Variants in CHD2 observed in about 807,000 individuals in gnomAD.
CHD2 encodes the protein ATP-dependent chromatin remodeler CHD2.
A neutral mutation model predicts 243.9 loss-of-function variants in CHD2; 28 were observed. That is an observed-to-expected ratio of 0.11 (90% CI 0.09 to 0.16). The LOEUF (loss-of-function observed/expected upper bound fraction) is 0.16. Among genes scored for constraint, CHD2 ranks in the 10% least tolerant of loss-of-function variants. The pLI, the probability that CHD2 is intolerant of heterozygous loss-of-function variation, is 1.00. For synonymous variants in CHD2, 775 were observed against 779.0 expected (o/e 0.99, Z 0.09); for missense variants, 1,386 against 2,209.8 (o/e 0.63, Z 7.47).
chr15:92,923,469 A>G (rs1024723197), intron 2 of CHD2, among the ~76,000 whole-genome samples: 3 of 151,830 alleles, frequency 2.0e-5, no homozygotes, highest in Non-Finnish European at 4.4e-5. Context: ...CATATTGTCC[A>G]GGCTGGTCTT....
At chr15:92,993,059 T>G (rs532034196) in intron 28 of CHD2, 61 bp downstream of exon 28, 4 of 1,590,966 alleles carry the variant, frequency 2.5e-6, no homozygotes, top group South Asian at 1.1e-5. Context: ...GGATTTCTGT[T>G]GCTAAAGGGC....
chr15:93,010,300 T>G (rs1254823523), intron 35 of CHD2, among the ~76,000 whole-genome samples: 6 of 148,762 alleles, frequency 4.0e-5, no homozygotes, highest in Non-Finnish European at 9.1e-5. Context: ...TAAGTGCAAG[T>G]GCCTTTTTCA....
chr15:92,998,513 G>C lies in CHD2; in HGVS notation c.3900G>C (p.Glu1300Asp), dbSNP rs199684771. ...TCTTGTTGAAGATTCTGCCGGTGGA[G>C]ACAGATAAAAAGCCTCAGGGGAAGC... ...LKLTDKILPVETDKKPQGKQL... is the reference protein window; with the variant it reads ...LKLTDKILPVDTDKKPQGKQL... Residue 1300 changes from glutamate (E) to aspartate (D), a missense_variant, in exon 31 of 39, where the codon GAG becomes GAC. By Grantham distance (45) the Glu-to-Asp change is conservative. This residue lies in a region of CHD2 where 99 missense variants were observed against 176.9 expected (regional missense o/e 0.56). Transcript: ENST00000394196. The surrounding 1 kb of genome is among the most constrained non-coding windows in gnomAD (Gnocchi z 5.1). 4.3e-6 allele frequency: 7 copies of C among 1,613,996 alleles called. No individual in the cohort carries two copies. In the East Asian group the frequency reaches 1.6e-4, roughly 36 times the overall value.
chr15:92,997,883 C>T lies in CHD2; in HGVS notation c.3885+480C>T, dbSNP rs1295989649. 1 of 155,960 alleles carries T rather than the reference C, an allele frequency of 6.4e-6. No individual in the cohort carries two copies. Among genetic ancestry groups the T allele is most frequent in the Non-Finnish European group, 1.4e-5 (1 of 70,580 alleles). The allele number at this position is 155,960 out of a possible 1,614,324, so 9.7% of individuals were successfully genotyped here. Reference sequence around the variant, plus strand: ...CCCTATCTGTTGCAAGTAGCAAGGCCATGGTTGGAGCTATAAGCAGGGAAG... The same window carrying T: ...CCCTATCTGTTGCAAGTAGCAAGGCTATGGTTGGAGCTATAAGCAGGGAAG... On this transcript the variant is annotated intron_variant, in intron 30 of 38. Transcript: ENST00000394196. The surrounding 1 kb of genome is among the most constrained non-coding windows in gnomAD (Gnocchi z 4.1).
At chr15:92,932,366 A>G (rs1369866667) in intron 5 of CHD2, among the ~76,000 whole-genome samples, 3 of 150,302 alleles carry the variant, frequency 2.0e-5, no homozygotes, top group Admixed American at 6.6e-5. Flanking sequence ...ATATGTATAC[A>G]TGTGTCATGT....
chr15:92,967,644 G>A (rs2141830942), intron 17 of CHD2, 131 bp downstream of exon 17: 2 of 543,088 alleles, frequency 3.7e-6, no homozygotes, highest in South Asian at 4.5e-5. Flanking sequence ...TGCTGCCTCA[G>A]CCTACCGAGT....
Position 92,998,663 on chromosome 15 carries a change from C to T in CHD2, c.4008+42C>T. ...CTGGTTGTTTTTCAGGGGCCTGAGG[C>T]TCCTACCCTGCAGAATTAGGTAGGA... is the stretch of plus-strand genomic sequence containing the variant. On this transcript the variant is annotated intron_variant, in intron 31 of 38. Transcript: ENST00000394196. This position sits in a 1 kb window ranked among gnomAD's most constrained non-coding sequence, Gnocchi z 5.1. The T allele has an allele frequency of 6.2e-7, 1 of 1,600,810 alleles. No individual in the cohort carries two copies. The highest frequency in any genetic ancestry group is 1.7e-5 in the Admixed American group (1 of 59,328).
chr15:92,967,251 T>C, intron 16 of CHD2, 74 bp from the exon 17 acceptor site: 1 of 1,096,862 alleles, frequency 9.1e-7, no homozygotes. Flanking sequence ...GAAAGATTCA[T>C]TTTTTTACAG....
chr15:93,009,348 C>T, intron 35 of CHD2, 25 bp downstream of exon 35: 1 of 1,603,506 alleles, frequency 6.2e-7, no homozygotes, highest in Non-Finnish European at 8.5e-7. Context: ...CTCGTCTGCC[C>T]AGTTTGATTT....
chr15:93,015,523 C>T (rs1212233145), intron 37 of CHD2, among the ~76,000 whole-genome samples: 1 of 151,550 alleles, frequency 6.6e-6, no homozygotes, highest in Non-Finnish European at 1.5e-5. Flanking sequence ...AAATTGAGAA[C>T]AAAACAATAA....
chr15:92,909,932 G>C (rs2052697015), intron 2 of CHD2, among the ~76,000 whole-genome samples: 1 of 148,256 alleles, frequency 6.7e-6, no homozygotes, highest in Non-Finnish European at 1.5e-5. Context: ...CTGTTTTAAG[G>C]GTTTTACGTG....
rs554562927 is a variant in CHD2 at position 93,024,410 on chromosome 15, T to G, written c.5192T>G (p.Phe1731Cys). The G allele has an allele frequency of 4.6e-5, 74 of 1,614,114 alleles. No individual in the cohort carries two copies. In the South Asian group the frequency reaches 7.9e-4, roughly 17 times the overall value. ...TCCAAGCGGAGGAGATCCGATGAATTTAGGCCTCAAAATTACCACCAGCAG... is the reference window on the plus strand; with the variant it reads ...TCCAAGCGGAGGAGATCCGATGAATGTAGGCCTCAAAATTACCACCAGCAG... The part of the protein sequence containing the change: ...HDSKRRRSDE[F>C]RPQNYHQQDF... The change falls in exon 39 of 39, where the codon TTT (phenylalanine) becomes TGT (cysteine). Residue 1731 changes from phenylalanine (F) to cysteine (C), a missense_variant. Around this residue, in one of 19 missense-constraint regions of CHD2, gnomAD observed 347 missense variants for 341.6 expected, o/e 1.02. Transcript: ENST00000394196.
chr15:92,910,914 G>A (rs1453311569), intron 2 of CHD2, among the ~76,000 whole-genome samples: 2 of 152,192 alleles, frequency 1.3e-5, no homozygotes, highest in Non-Finnish European at 2.9e-5. Context: ...CACTTATGCT[G>A]TAGCCTGTTG....
chr15:92,992,756 T>C, intron 27 of CHD2, 103 bp from the exon 28 acceptor site: 2 of 1,439,238 alleles, frequency 1.4e-6, no homozygotes, highest in African/African-American at 1.4e-5. Flanking sequence ...CAAAGAAAAG[T>C]GTCTTTGCAG....
chr15:92,948,778 G>T (rs921159830), intron 12 of CHD2, among the ~76,000 whole-genome samples, 174 bp from the exon 13 acceptor site: 3 of 152,308 alleles, frequency 2.0e-5, no homozygotes, highest in Admixed American at 1.3e-4. Context: ...GGCAGAGCTT[G>T]CAGTGAGCCG....
At chr15:92,933,732 A>C (rs1205768155) in intron 5 of CHD2, among the ~76,000 whole-genome samples, 1 of 152,092 alleles carries the variant, frequency 6.6e-6, no homozygotes, top group Non-Finnish European at 1.5e-5. Context: ...TAGCCTCCTG[A>C]GTAGTTGGGA....
chr15:93,025,538 GC>G lies in CHD2; in HGVS notation c.*834del, dbSNP rs1425840431. On this transcript the variant is annotated 3_prime_UTR_variant, in exon 39 of 39. Coordinates refer to ENST00000394196, the MANE Select transcript of CHD2 (RefSeq NM_001271.4). The stretch of plus-strand genomic sequence containing the variant: ...TGGGTCTTACTTGACTGGGGAGTAG[GC>G]TGAGTGAGGGGTAGGGTGGGGTAGG... 1 of 152,664 alleles carries G rather than the reference GC, an allele frequency of 6.6e-6. No homozygotes were observed. Among genetic ancestry groups the G allele is most frequent in the Non-Finnish European group, 1.5e-5 (1 of 68,086 alleles). 9.5% of individuals were successfully genotyped at this position (152,664 alleles called of 1,614,324 possible). A position where few individuals can be genotyped will look rare whatever the true frequency, so the allele number is the denominator to read the frequency against.
chr15:92,980,338 G>A (rs2053963586), intron 22 of CHD2, among the ~76,000 whole-genome samples: 1 of 151,458 alleles, frequency 6.6e-6, no homozygotes, highest in Non-Finnish European at 1.5e-5. Flanking sequence ...TGGGATTATA[G>A]GTGTGAGCCA....
chr15:92,937,981 CAAAT>C (rs960937939), intron 6 of CHD2, among the ~76,000 whole-genome samples: 10 of 152,244 alleles, frequency 6.6e-5, no homozygotes, highest in African/African-American at 2.4e-4. Context: ...TAACATTAAA[CAAAT>C]AATCTGATTG....
Sources: gnomAD v4.1 joint callset for allele counts (sites outside exome capture counted in the v4.1 genomes callset) on GRCh38, gnomAD v4.1.1 for gene constraint, gnomAD v4.1.1 regional missense constraint, Gnocchi (gnomAD v3.1) non-coding constraint, MANE v1.5 for transcripts, NCBI Gene and HGNC (gene_info 2026-07-23, HGNC 2026-07-21) for gene names.